SPECC1: variants seen among roughly 807,000 people sequenced by gnomAD.
SPECC1 encodes the protein sperm antigen with calponin homology and coiled-coil domains 1.
In SPECC1, 62 loss-of-function variants were observed where a neutral mutation model predicts 104.1. The ratio of observed to expected loss-of-function variants is 0.60; its 90% CI spans 0.49 to 0.74. The LOEUF is 0.74. SPECC1 is among the 30% of genes least tolerant of loss of function. The pLI is 0.00. For synonymous variants in SPECC1, 513 were observed against 501.6 expected, an observed-to-expected ratio of 1.02 and a Z score of -0.30; for missense variants, 1,306 against 1,310.5, an observed-to-expected ratio of 1.00 and a Z score of 0.05.
chr17:20,010,497 A>G (rs570538289), intron 1 of SPECC1, among the ~76,000 whole-genome samples: 6 of 152,340 alleles, frequency 3.9e-5, no homozygotes, highest in South Asian at 2.1e-4. Context: ...CAGGCTTGTC[A>G]ATCCTAATAC....
chr17:20,306,973 A>G (rs2041785784), intron 14 of SPECC1, among the ~76,000 whole-genome samples: 1 of 152,234 alleles, frequency 6.6e-6, no homozygotes, highest in Non-Finnish European at 1.5e-5. Flanking sequence ...AAGGAGGAAT[A>G]GAAACCACAA....
At chr17:20,034,977 G>A (rs2045003823) in intron 1 of SPECC1, among the ~76,000 whole-genome samples, 1 of 152,098 alleles carries the variant, frequency 6.6e-6, no homozygotes, top group South Asian at 2.1e-4. Context: ...TTTTCTGTAG[G>A]GTGTGAGGTT....
intron 1 of SPECC1, among the ~76,000 whole-genome samples, chr17:20,031,594 A>G (rs1166324809): frequency 6.6e-6 from 1 of 152,160 alleles, no homozygotes; most frequent in Admixed American, 6.5e-5. Flanking sequence ...CCTCACCACC[A>G]TCTGTCTCCA....
chr17:20,205,181 C>A lies in SPECC1; in HGVS notation c.1132C>A (p.Gln378Lys). The stretch of plus-strand genomic sequence containing the variant: ...CCTGGCTTCCCTCACAGAGAAGATA[C>A]AAAAGATGGAAGAAAACCACCATAG... ...LSLASLTEKI[Q>K]KMEENHHSTA... Residue 378 changes from glutamine to lysine, a missense_variant, in exon 4 of 15, where the codon CAA becomes AAA. Gln to Lys is a moderately conservative substitution (Grantham distance 53). This residue lies in a region of SPECC1 where 1,177 missense variants were observed against 1,139.9 expected (regional missense o/e 1.03). Coordinates refer to ENST00000395527, the MANE Select transcript of SPECC1 (RefSeq NM_001243439.2). 1 of 1,613,984 alleles carries A rather than the reference C, an allele frequency of 6.2e-7. No homozygotes were observed. The highest frequency in any genetic ancestry group is 8.5e-7 in the Non-Finnish European group (1 of 1,180,000).
Position 20,204,958 on chromosome 17 carries a change from C to A in SPECC1, c.909C>A (p.Asn303Lys), listed in dbSNP as rs1284714136. The A allele has an allele frequency of 1.2e-5, 20 of 1,614,070 alleles. No individual in the cohort carries two copies. Among genetic ancestry groups the A allele is most frequent in the Admixed American group, 3.3e-5 (2 of 60,002 alleles). Reference protein sequence around the residue: ...MSSDIDEYKKNIHGNALRTSG... With the variant: ...MSSDIDEYKKKIHGNALRTSG... ...GTGACATTGATGAGTATAAAAAAAA[C>A]ATACATGGAAATGCATTACGGACAT... Residue 303 changes from asparagine (N) to lysine (K), a missense_variant, in exon 4 of 15, where the codon AAC becomes AAA. Asn to Lys is a moderately conservative substitution (Grantham distance 94, BLOSUM62 0). Coordinates refer to ENST00000395527, the MANE Select transcript of SPECC1 (RefSeq NM_001243439.2).
At chr17:20,239,304 TC>T (rs1301491801) in intron 7 of SPECC1, 2 of 1,011,178 alleles carry the variant, frequency 2.0e-6, no homozygotes, top group Admixed American at 1.2e-4. Context: ...TATTAATCTT[TC>T]TTCTCCCTCA....
At chr17:20,080,424 C>G (rs949126159) in intron 1 of SPECC1, among the ~76,000 whole-genome samples, 1 of 151,992 alleles carries the variant, frequency 6.6e-6, no homozygotes, top group Non-Finnish European at 1.5e-5. Flanking sequence ...CATTACAACC[C>G]GGGGGATCAG....
chr17:20,274,113 G>A (rs1023436230), intron 12 of SPECC1, among the ~76,000 whole-genome samples: 14 of 152,184 alleles, frequency 9.2e-5, no homozygotes, highest in African/African-American at 3.1e-4. Flanking sequence ...CTTCTGGAGT[G>A]CATTTGTGTT....
At chr17:20,182,551 G>C (rs1286095593) in intron 3 of SPECC1, among the ~76,000 whole-genome samples, 1 of 152,108 alleles carries the variant, frequency 6.6e-6, no homozygotes, top group Admixed American at 6.5e-5. Context: ...GTTGAATTGA[G>C]GCTTTGAAAG....
At chr17:20,064,738 T>TA (rs2046304738) in intron 1 of SPECC1, among the ~76,000 whole-genome samples, 1 of 152,340 alleles carries the variant, frequency 6.6e-6, no homozygotes, top group East Asian at 1.9e-4. Flanking sequence ...GCCATGTACT[T>TA]ACAGAAAGCC....
At chr17:20,293,126 C>T (rs754734479) in intron 12 of SPECC1, among the ~76,000 whole-genome samples, 3 of 152,040 alleles carry the variant, frequency 2.0e-5, no homozygotes, top group African/African-American at 4.8e-5. Flanking sequence ...GATATTTGAC[C>T]AACCTTATTG....
intron 3 of SPECC1, among the ~76,000 whole-genome samples, chr17:20,187,962 T>G (rs1057003329): frequency 1.3e-5 from 2 of 152,174 alleles, no homozygotes; most frequent in Non-Finnish European, 2.9e-5. Context: ...TTCCAGAGTG[T>G]TTCAGAACTG....
At chr17:20,158,969 T>A (rs2032878838) in intron 3 of SPECC1, among the ~76,000 whole-genome samples, 1 of 151,842 alleles carries the variant, frequency 6.6e-6, no homozygotes, top group South Asian at 2.1e-4. Context: ...TTTTTGTTTT[T>A]TTTTTTGAGA....
intron 3 of SPECC1, among the ~76,000 whole-genome samples, chr17:20,163,290 C>T (rs184658763): frequency 3.9e-5 from 6 of 152,096 alleles, no homozygotes; most frequent in East Asian, 3.9e-4. Flanking sequence ...TCAAGTTCAA[C>T]GTCTTGTTAT....
In SPECC1 at chr17:20,314,539, C is replaced by T. The variant is rs1235833131; in HGVS notation, c.*474C>T. On this transcript the variant is annotated 3_prime_UTR_variant, in exon 15 of 15. Transcript: ENST00000395527. ...GCTGTAATCCCAGCACTTTAGGAAG[C>T]CAAGGCAGTAGGATCGTTTGAGCCC... The T allele has an allele frequency of 7.1e-6, 2 of 283,328 alleles. No homozygotes were observed. The allele number at this position is 283,328 out of a possible 1,614,324, so 17.6% of individuals were successfully genotyped here. A position where few individuals can be genotyped will look rare whatever the true frequency, so the allele number is the denominator to read the frequency against.
intron 2 of SPECC1, among the ~76,000 whole-genome samples, chr17:20,107,950 C>T (rs1289952981): frequency 6.6e-6 from 1 of 152,122 alleles, no homozygotes; most frequent in East Asian, 1.9e-4. Flanking sequence ...TGCAATGAGC[C>T]ATGTTTGAAC....
chr17:20,283,924 T>C (rs748660225), intron 12 of SPECC1, among the ~76,000 whole-genome samples: 11 of 152,216 alleles, frequency 7.2e-5, no homozygotes, highest in Non-Finnish European at 1.3e-4. Context: ...ATTTTGAGTA[T>C]TAGTCGTTTG....
chr17:20,199,412 T>TTTTTTA (rs1567929149), intron 3 of SPECC1, among the ~76,000 whole-genome samples: 1 of 79,962 alleles, frequency 1.3e-5, no homozygotes, highest in African/African-American at 6.5e-5. Context: ...TTTTTTTTTT[T>TTTTTTA]AAATAGAGAC....
chr17:20,016,547 C>A (rs1275844775), intron 1 of SPECC1, among the ~76,000 whole-genome samples: 2 of 152,178 alleles, frequency 1.3e-5, no homozygotes, highest in African/African-American at 4.8e-5. Context: ...GCTTGGCGGG[C>A]CCCGCACTGG....
Sources: allele counts gnomAD v4.1 joint callset (sites outside exome capture counted in the v4.1 genomes callset), GRCh38; gene constraint gnomAD v4.1.1; regional missense constraint gnomAD v4.1.1; transcripts MANE v1.5; gene names NCBI Gene and HGNC (gene_info 2026-07-23, HGNC 2026-07-21).